WDHD1: variants seen among roughly 807,000 people sequenced by gnomAD.
The protein encoded by WDHD1 is WD repeat and HMG-box DNA-binding protein 1.
Under a neutral mutation model 135.4 loss-of-function variants are expected in WDHD1, and 111 were observed. That is an observed-to-expected ratio of 0.82 (90% CI 0.70 to 0.96). The LOEUF is 0.96. WDHD1 is among the 40% of genes least tolerant of loss of function. The probability of loss-of-function intolerance (pLI) is 0.00; values close to 1 mark genes in which losing one functional copy is unlikely to be tolerated. For missense variants in WDHD1, 1,351 were observed against 1,336.3 expected (o/e 1.01, Z -0.17); for synonymous variants, 434 against 439.0 (o/e 0.99, Z 0.14).
At chr14:55,004,678 C>G (rs190511707) in intron 7 of WDHD1, 2 of 326,994 alleles carry the variant, frequency 6.1e-6, no homozygotes. Context: ...GTCTTGAACT[C>G]GTGGCCTCAA....
At chr14:55,000,845 G>C (rs1160871005) in intron 9 of WDHD1, 41 bp downstream of exon 9, 2 of 1,387,378 alleles carry the variant, frequency 1.4e-6, no homozygotes, top group African/African-American at 3.0e-5. Flanking sequence ...AAAACTAATA[G>C]AGATGAGCAA....
rs768804419 is a variant in WDHD1, at chr14:54,995,616, A to C, written c.1140T>G (p.Asp380Glu). 1.9e-6 allele frequency: 3 copies of C among 1,592,680 alleles called. No homozygotes were observed. The South Asian group carries it at 3.4e-5, about 18-fold the overall frequency. ...TCAAATTCTTACCAACTGAGTTTTC[A>C]TCATCTTCTAGGATGTGACTTCGCT... Reference protein sequence around the residue: ...PRQRSHILEDDENSVDISMLK... With the variant: ...PRQRSHILEDEENSVDISMLK... Residue 380 changes from aspartate (D) to glutamate (E), a missense_variant, in exon 11 of 26, where the codon GAT becomes GAG. Physicochemically the swap from Asp to Glu is conservative, Grantham distance 45 (BLOSUM62 2). This residue lies in a region of WDHD1 where 1,330 missense variants were observed against 1,296.1 expected (regional missense o/e 1.03). Transcript: ENST00000360586.
chr14:55,008,259 A>G (rs538359506), intron 6 of WDHD1, 57 bp downstream of exon 6: 22 of 1,534,490 alleles, frequency 1.4e-5, no homozygotes, highest in African/African-American at 1.4e-4. Context: ...AATACGACAT[A>G]TAACAATTTA....
At chr14:54,957,679 G>A (rs2041183403) in intron 21 of WDHD1, 44 bp from the exon 22 acceptor site, 1 of 1,502,252 alleles carries the variant, frequency 6.7e-7, no homozygotes, top group African/African-American at 1.4e-5. Flanking sequence ...GTAGAAAATA[G>A]ATGACTTCTG....
At chr14:54,957,544 TA>T in intron 22 of WDHD1, 47 bp downstream of exon 22, 1 of 1,449,510 alleles carries the variant, frequency 6.9e-7, no homozygotes, top group Non-Finnish European at 9.4e-7. Flanking sequence ...TATTTCTTTG[TA>T]TACAAATGTA....
At chr14:54,975,369 A>G (rs761400569) in intron 16 of WDHD1, among the ~76,000 whole-genome samples, 1 of 151,128 alleles carries the variant, frequency 6.6e-6, no homozygotes, top group African/African-American at 2.4e-5. Flanking sequence ...TTTTTTTGAG[A>G]CAGAGTTTCC....
intron 1 of WDHD1, 85 bp from the exon 2 acceptor site, chr14:55,026,888 T>G (rs2042455691): frequency 2.0e-5 from 27 of 1,324,016 alleles, no homozygotes; most frequent in Non-Finnish European, 2.9e-5. Flanking sequence ...CTTAGTCTCC[T>G]CTAGGGCCCG....
chr14:55,005,475 AAG>A, intron 7 of WDHD1: 1 of 565,494 alleles, frequency 1.8e-6, no homozygotes, highest in Non-Finnish European at 3.4e-6. Context: ...CTGACATTGA[AAG>A]AGTTTTCAAC....
chr14:55,026,614 A>G (rs959156196), intron 2 of WDHD1, 97 bp downstream of exon 2: 33 of 1,182,482 alleles, frequency 2.8e-5, no homozygotes, highest in Non-Finnish European at 4.2e-5. Context: ...TTATTCCTCT[A>G]TCCGCATGAG....
At position 54,955,541 on chromosome 14, in the gene WDHD1, A is replaced by G; in HGVS notation, c.3050+20T>C. ...ACTTTTTACTTGGTCACTGCATGCTAAATTTCTCTATGTACTGACCTTTGG... is the reference window on the plus strand; with the variant it reads ...ACTTTTTACTTGGTCACTGCATGCTGAATTTCTCTATGTACTGACCTTTGG... On this transcript the variant is annotated intron_variant, in intron 24 of 25. Transcript: ENST00000360586. The G allele has an allele frequency of 6.7e-7, 1 of 1,500,470 alleles. No homozygotes were observed. Among genetic ancestry groups the G allele is most frequent in the Admixed American group, 2.5e-5 (1 of 39,932 alleles). 92.9% of individuals were successfully genotyped at this position (1,500,470 alleles called of 1,614,324 possible). A position where few individuals can be genotyped will look rare whatever the true frequency, so the allele number is the denominator to read the frequency against.
At chr14:55,016,472 G>C (rs1247331294) in intron 2 of WDHD1, among the ~76,000 whole-genome samples, 2 of 152,188 alleles carry the variant, frequency 1.3e-5, no homozygotes, top group Non-Finnish European at 2.9e-5. Context: ...AGAAGAGAAA[G>C]AAGTCCCGAA....
intron 16 of WDHD1, among the ~76,000 whole-genome samples, chr14:54,980,407 C>T (rs185519480): frequency 7.5e-4 from 114 of 152,136 alleles, no homozygotes; most frequent in Admixed American, 1.7e-3. Context: ...TGAACATTTT[C>T]ATCACCCCAA....
intron 2 of WDHD1, among the ~76,000 whole-genome samples, chr14:55,016,879 T>C (rs754928782): frequency 3.3e-5 from 5 of 152,214 alleles, no homozygotes; most frequent in Non-Finnish European, 5.9e-5. Context: ...GTTGTCTCCA[T>C]TATCAAAAGA....
intron 16 of WDHD1, among the ~76,000 whole-genome samples, chr14:54,980,728 C>T (rs1409210571): frequency 6.8e-6 from 1 of 147,620 alleles, no homozygotes; most frequent in Non-Finnish European, 1.5e-5. Context: ...ATAGCTTGAA[C>T]TCAAAGTGGA....
chr14:55,003,129 T>C (rs936638596), intron 7 of WDHD1, among the ~76,000 whole-genome samples: 1 of 152,164 alleles, frequency 6.6e-6, no homozygotes, highest in Admixed American at 6.5e-5. Flanking sequence ...AATTTTTAAA[T>C]TAGGTTTTTT....
chr14:54,998,798 G>T (rs2041930638), intron 10 of WDHD1, among the ~76,000 whole-genome samples: 1 of 151,976 alleles, frequency 6.6e-6, no homozygotes, highest in Non-Finnish European at 1.5e-5. Flanking sequence ...CCTCCTTGTG[G>T]TTCAATCAAT....
chr14:54,964,607 C>T (rs567710976), intron 18 of WDHD1, among the ~76,000 whole-genome samples: 1 of 151,990 alleles, frequency 6.6e-6, no homozygotes, highest in South Asian at 2.1e-4. Context: ...CCACTGCACT[C>T]CAGCCTGGGC....
intron 7 of WDHD1, chr14:55,005,014 C>A (rs2042041217): frequency 3.7e-6 from 2 of 545,044 alleles, no homozygotes; most frequent in Non-Finnish European, 3.6e-6. Flanking sequence ...GTAGTCCATT[C>A]ACCCTGAAAT....
At chr14:54,982,624 C>T (rs1201005825) in intron 15 of WDHD1, among the ~76,000 whole-genome samples, 2 of 152,292 alleles carry the variant, frequency 1.3e-5, no homozygotes, top group Middle Eastern at 3.4e-3. Context: ...ACCCCCCTCA[C>T]TCTGCAAACA....
Sources: gnomAD v4.1 joint callset for allele counts (sites outside exome capture counted in the v4.1 genomes callset) on GRCh38, gnomAD v4.1.1 for gene constraint, gnomAD v4.1.1 regional missense constraint, MANE v1.5 for transcripts, NCBI Gene and HGNC (gene_info 2026-07-23, HGNC 2026-07-21) for gene names.